FSIP1: variants seen among roughly 807,000 people sequenced by gnomAD.
FSIP1 encodes the protein fibrous sheath interacting protein 1.
In FSIP1, 65 loss-of-function variants were observed where a neutral mutation model predicts 60.9. The ratio of observed to expected loss-of-function variants is 1.07; its 90% CI spans 0.87 to 1.31. The LOEUF is 1.31. Ranked by LOEUF, FSIP1 falls within the 40% of genes most tolerant of loss-of-function variation. The probability of loss-of-function intolerance (pLI) is 0.00; values close to 1 mark genes in which losing one functional copy is unlikely to be tolerated. For synonymous variants in FSIP1, 209 were observed against 221.2 expected, an observed-to-expected ratio of 0.94 and a Z score of 0.49; for missense variants, 675 against 665.5, an observed-to-expected ratio of 1.01 and a Z score of -0.16.
chr15:39,677,372 T>C (rs1056968224), intron 10 of FSIP1, among the ~76,000 whole-genome samples: 5 of 152,144 alleles, frequency 3.3e-5, no homozygotes, highest in Admixed American at 6.5e-5. Context: ...CATATATGTT[T>C]CTGTCCTCCC....
At chr15:39,655,105 C>T (rs1315093931) in intron 10 of FSIP1, among the ~76,000 whole-genome samples, 4 of 152,274 alleles carry the variant, frequency 2.6e-5, no homozygotes, top group African/African-American at 9.6e-5. Context: ...AGAAAAATCC[C>T]AAGGAAATTC....
intron 10 of FSIP1, among the ~76,000 whole-genome samples, chr15:39,652,329 T>C (rs1892903965): frequency 6.6e-6 from 1 of 152,372 alleles, no homozygotes; most frequent in Non-Finnish European, 1.5e-5. Flanking sequence ...AGTACATTTA[T>C]TAAGAGAGCA....
chr15:39,645,559 C>T (rs1892559547), intron 10 of FSIP1, among the ~76,000 whole-genome samples: 1 of 151,952 alleles, frequency 6.6e-6, no homozygotes, highest in South Asian at 2.1e-4. Flanking sequence ...GCTGGAGCCA[C>T]GGCACTGGTG....
chr15:39,689,196 G>A lies in FSIP1; in HGVS notation c.1188+24248C>T, dbSNP rs184325138. Among the ~76,000 whole-genome samples, 534 of 152,236 alleles carry A rather than the reference G, an allele frequency of 3.5e-3. 4 individuals carry two copies. The highest frequency in any genetic ancestry group is 0.012 in the African/African-American group (505 of 41,534). On this transcript the variant is annotated intron_variant, in intron 10 of 11. Coordinates refer to ENST00000350221, the MANE Select transcript of FSIP1 (RefSeq NM_152597.5). ...CAGCCAAACGGAACAGATGCATAGG[G>A]AGATGTACGTGGAAGGAGCACAGAA...
chr15:39,770,532 T>C lies in FSIP1; in HGVS notation c.205A>G (p.Asn69Asp), dbSNP rs1298305608. ...GAGCAGCTTTCCTGCTTATCATCAT[T>C]ACTAGTTCTTCTGTTCTCTGTATTA... is the stretch of plus-strand genomic sequence containing the variant. ...SSNTENRRTS[N>D]DDKQESCSEK... The change falls in exon 3 of 12, where the codon AAT becomes GAT. Residue 69 changes from asparagine to aspartate, a missense_variant. Coordinates refer to ENST00000350221, the MANE Select transcript of FSIP1 (RefSeq NM_152597.5). 3.1e-6 allele frequency: 5 copies of C among 1,611,510 alleles called. No homozygotes were observed. Among genetic ancestry groups the C allele is most frequent in the Non-Finnish European group, 4.2e-6 (5 of 1,179,408 alleles).
chr15:39,608,776 A>T (rs1294261635), intron 11 of FSIP1, among the ~76,000 whole-genome samples: 1 of 152,176 alleles, frequency 6.6e-6, no homozygotes, highest in Non-Finnish European at 1.5e-5. Flanking sequence ...ACAAAAATCC[A>T]ACCAACTATT....
At chr15:39,605,909 G>C (rs77971875) in intron 11 of FSIP1, among the ~76,000 whole-genome samples, 2 of 152,224 alleles carry the variant, frequency 1.3e-5, no homozygotes, top group East Asian at 3.8e-4. Context: ...AGAGGAGAGA[G>C]AGAGAAATTA....
intron 10 of FSIP1, among the ~76,000 whole-genome samples, chr15:39,622,162 CCA>C (rs1891463331): frequency 6.6e-6 from 1 of 152,130 alleles, no homozygotes; most frequent in Admixed American, 6.5e-5. Flanking sequence ...TGTCAAGTAA[CCA>C]TCTGTTCAAG....
intron 8 of FSIP1, among the ~76,000 whole-genome samples, chr15:39,728,870 A>G (rs183246842): frequency 1.3e-5 from 2 of 152,250 alleles, no homozygotes; most frequent in Non-Finnish European, 2.9e-5. Flanking sequence ...ACAAAGGTCT[A>G]ATATCCAGAA....
At chr15:39,653,434 A>T (rs1892955185) in intron 10 of FSIP1, among the ~76,000 whole-genome samples, 2 of 152,220 alleles carry the variant, frequency 1.3e-5, no homozygotes, top group South Asian at 2.1e-4. Context: ...TAAATTTTTT[A>T]AAACTTTTTT....
chr15:39,726,801 T>C (rs775750277), intron 8 of FSIP1, 54 bp from the exon 9 acceptor site: 15 of 1,520,708 alleles, frequency 9.9e-6, no homozygotes, highest in South Asian at 2.4e-5. Flanking sequence ...TTTGCCAAAA[T>C]ATACCTTTCA....
chr15:39,643,337 T>C (rs778778529), intron 10 of FSIP1, among the ~76,000 whole-genome samples: 7 of 152,162 alleles, frequency 4.6e-5, no homozygotes, highest in Non-Finnish European at 5.9e-5. Context: ...ACTGAAATTG[T>C]TAGAGAAAAT....
chr15:39,752,929 A>G (rs1407943630), intron 5 of FSIP1, among the ~76,000 whole-genome samples: 2 of 152,130 alleles, frequency 1.3e-5, no homozygotes, highest in Non-Finnish European at 2.9e-5. Context: ...GCCCAAATAA[A>G]AAGTTTAGAA....
At chr15:39,615,578 A>G (rs1005199595) in intron 11 of FSIP1, among the ~76,000 whole-genome samples, 5 of 152,106 alleles carry the variant, frequency 3.3e-5, no homozygotes, top group South Asian at 2.1e-4. Context: ...CACACCTGTT[A>G]TAACAACTAT....
At chr15:39,601,825 T>C (rs1409434553) in intron 11 of FSIP1, among the ~76,000 whole-genome samples, 1 of 152,220 alleles carries the variant, frequency 6.6e-6, no homozygotes, top group African/African-American at 2.4e-5. Context: ...TCCATTTATA[T>C]GAAATGTTCA....
At chr15:39,750,799 A>C (rs1472753687) in intron 5 of FSIP1, among the ~76,000 whole-genome samples, 4 of 151,778 alleles carry the variant, frequency 2.6e-5, no homozygotes, top group African/African-American at 4.8e-5. Context: ...GACTACAACA[A>C]ACTAAGAAGG....
At chr15:39,757,057 C>G (rs1441101145) in intron 5 of FSIP1, among the ~76,000 whole-genome samples, 6 of 152,012 alleles carry the variant, frequency 3.9e-5, no homozygotes, top group Admixed American at 3.3e-4. Flanking sequence ...CTTATTGTAA[C>G]TAGATGCTGC....
chr15:39,773,401 G>C (rs991308317), intron 2 of FSIP1, among the ~76,000 whole-genome samples: 1 of 152,168 alleles, frequency 6.6e-6, no homozygotes, highest in Non-Finnish European at 1.5e-5. Flanking sequence ...AAGTGCCAAA[G>C]TCCAGATTGG....
downstream of FSIP1, chr15:39,599,379 A>G (rs928426893): frequency 6.6e-6 from 1 of 152,174 alleles, no homozygotes; most frequent in Non-Finnish European, 1.5e-5. Flanking sequence ...CCTAAATAAC[A>G]GAAAGGCTCA....
Sources: gnomAD v4.1 joint callset for allele counts (sites outside exome capture counted in the v4.1 genomes callset) on GRCh38, gnomAD v4.1.1 for gene constraint, MANE v1.5 for transcripts, NCBI Gene and HGNC (gene_info 2026-07-23, HGNC 2026-07-21) for gene names.